The following AVEN variants were observed in gnomAD, a reference collection of about 807,000 sequenced individuals.
AVEN encodes the protein cell death regulator Aven.
A neutral mutation model predicts 38.1 loss-of-function variants in AVEN; 41 were observed. That is an observed-to-expected ratio of 1.08 (90% CI 0.84 to 1.40). AVEN has a LOEUF of 1.40. Ranked by LOEUF, AVEN falls within the 40% of genes most tolerant of loss-of-function variation. The pLI is 0.00. For synonymous variants in AVEN, 206 were observed against 171.8 expected, an observed-to-expected ratio of 1.20 and a Z score of -1.56; for missense variants, 605 against 438.8, an observed-to-expected ratio of 1.38 and a Z score of -3.38.
At chr15:33,894,809 C>CAA (rs796302436) in intron 2 of AVEN, among the ~76,000 whole-genome samples, 51 of 17,446 alleles carry the variant, frequency 2.9e-3, no homozygotes, top group African/African-American at 4.3e-3. Flanking sequence ...GACACCATCT[C>CAA]AAAAAAAAAA....
chr15:33,975,590 T>C (rs970402094), intron 2 of AVEN, among the ~76,000 whole-genome samples: 2 of 152,212 alleles, frequency 1.3e-5, no homozygotes, highest in Admixed American at 6.5e-5. Context: ...GAATTTGTCA[T>C]AATAGAACTC....
At chr15:33,958,858 G>A (rs947168248) in intron 2 of AVEN, among the ~76,000 whole-genome samples, 5 of 152,174 alleles carry the variant, frequency 3.3e-5, no homozygotes, top group Middle Eastern at 3.4e-3. Context: ...AGGTGTGCTC[G>A]TGTCTTTTAG....
At chr15:33,923,905 T>G (rs961369225) in intron 2 of AVEN, among the ~76,000 whole-genome samples, 2 of 150,384 alleles carry the variant, frequency 1.3e-5, no homozygotes, top group African/African-American at 4.9e-5. Flanking sequence ...TGTCACTATC[T>G]CCCATCACCC....
chr15:33,861,718 G>C (rs990539044), downstream of AVEN, among the ~76,000 whole-genome samples: 2 of 152,106 alleles, frequency 1.3e-5, no homozygotes, highest in Non-Finnish European at 2.9e-5. Context: ...TAAATTCTGT[G>C]TTCAGTTTTC....
At position 34,039,189 on chromosome 15, in the gene AVEN, C is replaced by G. The variant is rs1298089491; in HGVS notation, c.-143G>C. The G allele has an allele frequency of 6.0e-5, 41 of 680,714 alleles. No individual in the cohort carries two copies. Among genetic ancestry groups the G allele is most frequent in the Non-Finnish European group, 7.5e-5 (41 of 543,586 alleles). 42.2% of individuals were successfully genotyped at this position (680,714 alleles called of 1,614,324 possible). A position where few individuals can be genotyped will look rare whatever the true frequency, so the allele number is the denominator to read the frequency against. ...AGGCGCGGGGTGCGGGGCTAGGGAT[C>G]GAGGCCGGCCGCAGCGGAGCGGGGC... On this transcript the variant is annotated 5_prime_UTR_variant, in exon 1 of 6. Transcript: ENST00000306730.
intron 2 of AVEN, among the ~76,000 whole-genome samples, chr15:33,931,729 C>A (rs1186069997): frequency 1.3e-5 from 2 of 152,106 alleles, no homozygotes; most frequent in African/African-American, 4.8e-5. Context: ...AATTTAAATT[C>A]TCTTATTTTA....
At chr15:33,959,766 C>T (rs1327665247) in intron 2 of AVEN, among the ~76,000 whole-genome samples, 2 of 136,096 alleles carry the variant, frequency 1.5e-5, no homozygotes, top group African/African-American at 3.4e-5. Flanking sequence ...CCTGGAGAAA[C>T]GTTTAGTGGA....
chr15:33,875,714 C>T (rs1415277456), intron 3 of AVEN, among the ~76,000 whole-genome samples: 1 of 152,192 alleles, frequency 6.6e-6, no homozygotes, highest in Admixed American at 6.5e-5. Flanking sequence ...CTGCATAATT[C>T]ACACAGATGG....
At chr15:34,046,786 A>G in intron 5 of AVEN, 1 of 152,550 alleles carries the variant, frequency 6.6e-6, no homozygotes, top group Non-Finnish European at 1.5e-5. Flanking sequence ...TGACCCACAG[A>G]AAACAAAGAA....
At chr15:33,875,096 A>C (rs1179431341) in intron 3 of AVEN, among the ~76,000 whole-genome samples, 1 of 152,164 alleles carries the variant, frequency 6.6e-6, no homozygotes, top group Non-Finnish European at 1.5e-5. Context: ...CAAACAATTG[A>C]GCCTAAAACC....
chr15:33,887,289 T>C (rs1384466022), intron 2 of AVEN, among the ~76,000 whole-genome samples: 1 of 152,114 alleles, frequency 6.6e-6, no homozygotes, highest in African/African-American at 2.4e-5. Context: ...AGGGGAGGGA[T>C]TGTGCTCACT....
At chr15:33,993,302 ATC>A (rs1896803802) in intron 2 of AVEN, among the ~76,000 whole-genome samples, 1 of 152,240 alleles carries the variant, frequency 6.6e-6, no homozygotes, top group Non-Finnish European at 1.5e-5. Context: ...AGGCATGATT[ATC>A]TCTTTCAGAG....
chr15:34,070,658 A>C (rs567002267), intron 1 of AVEN, among the ~76,000 whole-genome samples: 10 of 152,172 alleles, frequency 6.6e-5, no homozygotes. Context: ...GGTCCTAGAA[A>C]AGAAGACACA....
chr15:34,047,498 C>T (rs1899752055), intron 5 of AVEN, among the ~76,000 whole-genome samples: 1 of 152,146 alleles, frequency 6.6e-6, no homozygotes, highest in Non-Finnish European at 1.5e-5. Context: ...TCTGCAGGCC[C>T]CACTTCCCTG....
chr15:34,004,911 G>T (rs1567461530), intron 1 of AVEN, among the ~76,000 whole-genome samples: 1 of 151,628 alleles, frequency 6.6e-6, no homozygotes, highest in African/African-American at 2.4e-5. Context: ...TCCTTATCAA[G>T]AAAAAAATGA....
intron 2 of AVEN, among the ~76,000 whole-genome samples, chr15:33,961,803 ACT>A (rs1407274226): frequency 2.1e-5 from 2 of 95,498 alleles, no homozygotes; most frequent in Admixed American, 3.1e-4. Flanking sequence ...ACAGAGTGAG[ACT>A]CTGTCTCAAA....
chr15:33,868,250 G>A (rs1184927715), intron 4 of AVEN, among the ~76,000 whole-genome samples: 3 of 152,130 alleles, frequency 2.0e-5, no homozygotes, highest in African/African-American at 2.4e-5. Flanking sequence ...GTGGCCAGGC[G>A]CAGTGGCTCA....
chr15:34,069,388 G>A (rs575952951), intron 2 of AVEN, among the ~76,000 whole-genome samples: 1 of 152,276 alleles, frequency 6.6e-6, no homozygotes, highest in Non-Finnish European at 1.5e-5. Context: ...GGAGGCGGAG[G>A]TTGAAGTGAG....
chr15:34,036,979 C>T (rs1899159670), intron 1 of AVEN, among the ~76,000 whole-genome samples: 1 of 152,024 alleles, frequency 6.6e-6, no homozygotes, highest in Admixed American at 6.6e-5. Flanking sequence ...CAAGGTGGCT[C>T]ATGCCTGTAA....
Sources: allele counts gnomAD v4.1 joint callset (sites outside exome capture counted in the v4.1 genomes callset), GRCh38; gene constraint gnomAD v4.1.1; transcripts MANE v1.5; gene names NCBI Gene and HGNC (gene_info 2026-07-23, HGNC 2026-07-21).